GPC3: variants seen among roughly 807,000 people sequenced by gnomAD.
GPC3 encodes the protein glypican-3.
GPC3 carries 3 observed loss-of-function variants against 34.4 expected under a neutral mutation model. The ratio of observed to expected loss-of-function variants is 0.09; its 90% confidence interval spans 0.04 to 0.23. GPC3 has a LOEUF of 0.23. GPC3 is among the 10% of genes least tolerant of loss of function. The pLI, the probability that GPC3 is intolerant of heterozygous loss-of-function variation, is 1.00. For missense variants in GPC3, 351 were observed against 445.6 expected, an observed-to-expected ratio of 0.79 and a Z score of 1.91; for synonymous variants, 177 against 174.0, an observed-to-expected ratio of 1.02 and a Z score of -0.13.
chrX:133,612,592 T>C (rs1012928454), intron 6 of GPC3, among the ~76,000 whole-genome samples: 1 of 111,634 alleles, frequency 9.0e-6, no homozygotes, highest in Non-Finnish European at 1.9e-5. Context: ...ATGCTCAATG[T>C]CTGCCTATTC....
At chrX:133,868,030 C>G (rs1044998245) in intron 2 of GPC3, among the ~76,000 whole-genome samples, 2 of 110,607 alleles carry the variant, frequency 1.8e-5, no homozygotes, top group Middle Eastern at 4.6e-3. Flanking sequence ...ACCCTTCAAG[C>G]CCATGTGTGA....
Position 133,739,836 on chromosome X carries a change from C to T in GPC3, c.1032+13646G>A, listed in dbSNP as rs1356759352. 6.3e-5 allele frequency among the ~76,000 whole-genome samples: 7 copies of T among 111,946 alleles called. No individual in the cohort carries two copies. The East Asian group carries it at 1.1e-3, about 18-fold the overall frequency. The stretch of plus-strand genomic sequence containing the variant: ...TGGAAGAGGTTGCAGTGAGCCGAGA[C>T]GGCGCCACTGCACTCCAGCCTGGGC... On this transcript the variant is annotated intron_variant, in intron 3 of 7. Coordinates refer to ENST00000370818, the MANE Select transcript of GPC3 (RefSeq NM_004484.4).
At chrX:133,821,519 G>A (rs145418259) in intron 2 of GPC3, among the ~76,000 whole-genome samples, 2,103 of 111,809 alleles carry the variant, frequency 0.019, 26 homozygotes, top group Non-Finnish European at 0.024. Flanking sequence ...ACTTGATAGA[G>A]GTAAGCTGGG....
chrX:133,930,679 AGGCTG>A (rs1352483304), intron 2 of GPC3, among the ~76,000 whole-genome samples: 5 of 112,276 alleles, frequency 4.5e-5, no homozygotes, highest in African/African-American at 1.6e-4. Context: ...CTCTGTCACC[AGGCTG>A]GAGTGCAGTG....
intron 7 of GPC3, among the ~76,000 whole-genome samples, chrX:133,561,067 G>A (rs995886968): frequency 1.8e-5 from 2 of 111,946 alleles, no homozygotes; most frequent in African/African-American, 6.5e-5. Context: ...AGAAAGAGGT[G>A]CTACCATGCT....
At chrX:133,892,308 T>G (rs1302899574) in intron 2 of GPC3, among the ~76,000 whole-genome samples, 1 of 112,034 alleles carries the variant, frequency 8.9e-6, no homozygotes, top group Non-Finnish European at 1.9e-5. Flanking sequence ...TACTTTCCTC[T>G]TGGTGACCTC....
At chrX:133,860,509 C>T (rs904369280) in intron 2 of GPC3, among the ~76,000 whole-genome samples, 5 of 111,753 alleles carry the variant, frequency 4.5e-5, no homozygotes, top group African/African-American at 1.3e-4. Flanking sequence ...TGCTTACGTC[C>T]AGGCTCTGTG....
intron 7 of GPC3, among the ~76,000 whole-genome samples, chrX:133,580,105 T>C (rs2069720082): frequency 9.0e-6 from 1 of 111,599 alleles, no homozygotes; most frequent in African/African-American, 3.3e-5. Flanking sequence ...GAGATGTAGG[T>C]TGGGGCCAGA....
intron 2 of GPC3, among the ~76,000 whole-genome samples, chrX:133,853,437 CT>C (rs1317306177): frequency 2.7e-5 from 3 of 112,022 alleles, no homozygotes; most frequent in Admixed American, 9.5e-5. Context: ...TACAGCCTTA[CT>C]TATGGCAAAA....
chrX:133,914,460 G>A (rs1166864470), intron 2 of GPC3, among the ~76,000 whole-genome samples: 1 of 110,725 alleles, frequency 9.0e-6, no homozygotes, highest in Admixed American at 9.6e-5. Flanking sequence ...GTACTTTCTC[G>A]TCCCAGTACT....
At chrX:133,939,794 T>G (rs1425544943) in intron 2 of GPC3, among the ~76,000 whole-genome samples, 1 of 111,276 alleles carries the variant, frequency 9.0e-6, no homozygotes, top group Non-Finnish European at 1.9e-5. Context: ...GATGTTTGGG[T>G]TTTTCTTTTT....
chrX:133,854,059 C>A (rs1277014129), intron 2 of GPC3, among the ~76,000 whole-genome samples: 1 of 110,916 alleles, frequency 9.0e-6, no homozygotes, highest in Non-Finnish European at 1.9e-5. Context: ...TTTCTTTTTT[C>A]CCCCATATTT....
intron 6 of GPC3, among the ~76,000 whole-genome samples, chrX:133,607,101 T>C (rs1052858616): frequency 9.0e-6 from 1 of 110,950 alleles, no homozygotes; most frequent in East Asian, 2.8e-4. Context: ...TCTTAGTTGA[T>C]CTATATGGGA....
At chrX:133,786,530 G>A (rs766843785) in intron 2 of GPC3, among the ~76,000 whole-genome samples, 4 of 112,707 alleles carry the variant, frequency 3.5e-5, no homozygotes, top group East Asian at 2.8e-4. Context: ...TGTATTAGAC[G>A]CTTTTGTGCA....
At chrX:133,568,995 T>C (rs1384982578) in intron 7 of GPC3, among the ~76,000 whole-genome samples, 1 of 110,651 alleles carries the variant, frequency 9.0e-6, no homozygotes, top group Admixed American at 9.7e-5. Context: ...GGCGAAACCC[T>C]GTATCTACAA....
At chrX:133,823,749 G>A (rs1299742053) in intron 2 of GPC3, among the ~76,000 whole-genome samples, 1 of 110,735 alleles carries the variant, frequency 9.0e-6, no homozygotes, top group African/African-American at 3.3e-5. Flanking sequence ...GGAGGATGAG[G>A]CGGGCAGATC....
At chrX:133,700,671 G>T (rs1603228512) in intron 3 of GPC3, among the ~76,000 whole-genome samples, 1 of 110,898 alleles carries the variant, frequency 9.0e-6, no homozygotes, top group Non-Finnish European at 1.9e-5. Flanking sequence ...GTGGCCAGGA[G>T]TTCAAAGCCA....
intron 6 of GPC3, among the ~76,000 whole-genome samples, chrX:133,634,346 C>A (rs974547588): frequency 5.4e-5 from 6 of 111,887 alleles, no homozygotes; most frequent in Non-Finnish European, 9.4e-5. Flanking sequence ...CAAAGAAGTG[C>A]AAATATTACA....
intron 3 of GPC3, among the ~76,000 whole-genome samples, chrX:133,700,243 T>C (rs2071155334): frequency 8.9e-6 from 1 of 111,829 alleles, no homozygotes; most frequent in Non-Finnish European, 1.9e-5. Context: ...AAGTACAGCC[T>C]ATTCAGAGAT....
Sources: gnomAD v4.1 joint callset for allele counts (sites outside exome capture counted in the v4.1 genomes callset) on GRCh38, gnomAD v4.1.1 for gene constraint, MANE v1.5 for transcripts, NCBI Gene and HGNC (gene_info 2026-07-23, HGNC 2026-07-21) for gene names.